Variants in SPATA17 observed in about 807,000 individuals in gnomAD.
SPATA17 encodes spermatogenesis associated 17.
SPATA17 carries 53 observed loss-of-function variants against 62.2 expected under a neutral mutation model. The observed-to-expected ratio is 0.85, with a 90% CI of 0.68 to 1.07. The LOEUF is 1.07. Among genes scored for constraint, SPATA17 ranks in the 50% least tolerant of loss-of-function variants. The probability of loss-of-function intolerance (pLI) is 0.00; values close to 1 mark genes in which losing one functional copy is unlikely to be tolerated. For synonymous variants in SPATA17, 146 were observed against 146.8 expected (o/e 0.99, Z 0.04); for missense variants, 466 against 425.5 (o/e 1.10, Z -0.84).
intron 9 of SPATA17, among the ~76,000 whole-genome samples, chr1:217,804,351 C>CT (rs1197336179): frequency 7.2e-5 from 11 of 152,186 alleles, no homozygotes; most frequent in Non-Finnish European, 1.5e-4. Context: ...TGTATATCCA[C>CT]TGCAGAAGAA....
At chr1:217,745,588 A>G (rs1672729863) in intron 6 of SPATA17, among the ~76,000 whole-genome samples, 1 of 152,174 alleles carries the variant, frequency 6.6e-6, no homozygotes, top group Admixed American at 6.5e-5. Flanking sequence ...AAACAAAAGT[A>G]TGCAACACTA....
In SPATA17 at chr1:217,868,997, A is replaced by G. The variant is rs527556588; in HGVS notation, c.*1978A>G. The G allele has an allele frequency of 3.9e-5, 6 of 152,358 alleles. No homozygotes were observed. In the East Asian group the frequency reaches 1.2e-3, roughly 29 times the overall value. The allele number at this position is 152,358 out of a possible 1,614,324, so 9.4% of individuals were successfully genotyped here. A position where few individuals can be genotyped will look rare whatever the true frequency, so the allele number is the denominator to read the frequency against. On this transcript the variant is annotated 3_prime_UTR_variant, in exon 11 of 11. Transcript: ENST00000366933. ...GAACCCAGCCCTGAGACATGTCTCAATTAGTTTAGAAGTTTATTTGGCCAA... is the reference window on the plus strand; with the variant it reads ...GAACCCAGCCCTGAGACATGTCTCAGTTAGTTTAGAAGTTTATTTGGCCAA...
intron 5 of SPATA17, among the ~76,000 whole-genome samples, chr1:217,697,712 C>T (rs1215798491): frequency 6.6e-6 from 1 of 151,818 alleles, no homozygotes; most frequent in African/African-American, 2.4e-5. Flanking sequence ...ATTTATTTCT[C>T]AAGGGCTGAG....
intron 9 of SPATA17, among the ~76,000 whole-genome samples, chr1:217,845,780 G>A (rs1290922451): frequency 6.6e-6 from 1 of 151,994 alleles, no homozygotes. Context: ...AAGACTTGCT[G>A]GTATAAATTG....
At chr1:217,805,694 C>T (rs1674415589) in intron 9 of SPATA17, among the ~76,000 whole-genome samples, 1 of 152,062 alleles carries the variant, frequency 6.6e-6, no homozygotes, top group South Asian at 2.1e-4. Context: ...TGAGAAGATG[C>T]TCTGCATTAT....
chr1:217,773,260 G>A (rs544329836), intron 6 of SPATA17, among the ~76,000 whole-genome samples: 2 of 152,274 alleles, frequency 1.3e-5, no homozygotes, highest in South Asian at 4.1e-4. Flanking sequence ...TTATAGATAT[G>A]TTGATGGCAT....
At chr1:217,638,593 A>G (rs140559613) in intron 1 of SPATA17, among the ~76,000 whole-genome samples, 264 of 152,300 alleles carry the variant, frequency 1.7e-3, no homozygotes, top group African/African-American at 5.8e-3. Flanking sequence ...ATATGTATCA[A>G]ACAACTGAAT....
intron 8 of SPATA17, among the ~76,000 whole-genome samples, chr1:217,800,755 C>T (rs2102987294): frequency 6.6e-6 from 1 of 152,234 alleles, no homozygotes; most frequent in East Asian, 1.9e-4. Flanking sequence ...TATGAATTTT[C>T]TATCTTCCTT....
intron 4 of SPATA17, 34 bp downstream of exon 4, chr1:217,669,117 A>G: frequency 1.9e-6 from 3 of 1,585,106 alleles, no homozygotes; most frequent in Non-Finnish European, 2.6e-6. Context: ...ACAAATGAAA[A>G]GTCAATTGTG....
intron 9 of SPATA17, among the ~76,000 whole-genome samples, chr1:217,810,245 T>C (rs1480089309): frequency 6.6e-6 from 1 of 152,210 alleles, no homozygotes; most frequent in African/African-American, 2.4e-5. Context: ...AAAAGTAGTA[T>C]ATTTTTTATT....
chr1:217,776,750 AGGAG>A (rs1673597533), intron 7 of SPATA17, among the ~76,000 whole-genome samples: 1 of 151,198 alleles, frequency 6.6e-6, no homozygotes, highest in Non-Finnish European at 1.5e-5. Flanking sequence ...GGGTGGGGAT[AGGAG>A]GGCAGTGAGA....
At chr1:217,704,632 A>G (rs1671691569) in intron 5 of SPATA17, among the ~76,000 whole-genome samples, 1 of 152,092 alleles carries the variant, frequency 6.6e-6, no homozygotes, top group Non-Finnish European at 1.5e-5. Flanking sequence ...TTTCCCACTT[A>G]CAAGTGAGAA....
intron 5 of SPATA17, among the ~76,000 whole-genome samples, chr1:217,739,238 T>C (rs1672576368): frequency 6.6e-6 from 1 of 152,164 alleles, no homozygotes; most frequent in African/African-American, 2.4e-5. Context: ...GACAGGATTA[T>C]AAGATAAAGG....
At chr1:217,722,367 A>G (rs771401974) in intron 5 of SPATA17, among the ~76,000 whole-genome samples, 1 of 152,082 alleles carries the variant, frequency 6.6e-6, no homozygotes, top group Admixed American at 6.5e-5. Flanking sequence ...TTTATTAAAT[A>G]TATTTAGGAA....
At chr1:217,740,853 A>G (rs1051463413) in intron 5 of SPATA17, among the ~76,000 whole-genome samples, 8 of 152,200 alleles carry the variant, frequency 5.3e-5, no homozygotes, top group African/African-American at 1.9e-4. Flanking sequence ...CAAGTAATTC[A>G]TTTATTTTGC....
intron 4 of SPATA17, among the ~76,000 whole-genome samples, chr1:217,672,397 A>G (rs1367123221): frequency 6.6e-6 from 1 of 152,218 alleles, no homozygotes; most frequent in Non-Finnish European, 1.5e-5. Context: ...ACATATATGT[A>G]CCCAAATTAT....
At chr1:217,763,443 G>T (rs554850057) in intron 6 of SPATA17, among the ~76,000 whole-genome samples, 87 of 152,214 alleles carry the variant, frequency 5.7e-4, no homozygotes, top group South Asian at 1.2e-3. Context: ...GATATAACTG[G>T]CATGTATTGA....
chr1:217,646,038 A>G (rs7538841), intron 1 of SPATA17, among the ~76,000 whole-genome samples: 35,221 of 151,868 alleles, frequency 0.23, 4,241 homozygotes, highest in Middle Eastern at 0.29. Context: ...CAAACTTTGG[A>G]GATATGTGTT....
chr1:217,794,307 C>T (rs1571810152), intron 8 of SPATA17, among the ~76,000 whole-genome samples: 1 of 152,206 alleles, frequency 6.6e-6, no homozygotes, highest in East Asian at 1.9e-4. Context: ...AATCTATAGT[C>T]TTCTGTTTAA....
Sources: allele counts gnomAD v4.1 joint callset (sites outside exome capture counted in the v4.1 genomes callset), GRCh38; gene constraint gnomAD v4.1.1; transcripts MANE v1.5; gene names NCBI Gene and HGNC (gene_info 2026-07-23, HGNC 2026-07-21).